The following MPHOSPH8 variants were observed in gnomAD, a reference collection of about 807,000 sequenced individuals.
MPHOSPH8 encodes the protein M-phase phosphoprotein, mpp.
In MPHOSPH8, 45 loss-of-function variants were observed where a neutral mutation model predicts 87.3. The observed-to-expected ratio is 0.52, with a 90% CI of 0.41 to 0.66. The LOEUF (loss-of-function observed/expected upper bound fraction) is 0.66, where lower values mean the gene tolerates loss of function less well. MPHOSPH8 is among the 30% of genes least tolerant of loss of function. The pLI is 0.00. For missense variants in MPHOSPH8, 883 were observed against 1,020.2 expected (o/e 0.87, Z 1.83); for synonymous variants, 366 against 376.9 (o/e 0.97, Z 0.33).
At chr13:19,643,336 G>A (rs998789791) in intron 2 of MPHOSPH8, among the ~76,000 whole-genome samples, 1 of 152,008 alleles carries the variant, frequency 6.6e-6, no homozygotes, top group Non-Finnish European at 1.5e-5. Flanking sequence ...CTCAACCTCT[G>A]GGTTCAAGTG....
At position 19,646,768 on chromosome 13, in the gene MPHOSPH8, A is replaced by C. The variant is rs1258033067; in HGVS notation, c.695A>C (p.Lys232Thr). ...KETKELKKVK[K>T]GEIRDLKTKT... Reference sequence around the variant, plus strand: ...ACAAAAGAATTAAAGAAAGTTAAAAAGGGTGAAATAAGAGATTTAAAGACG... The same window carrying C: ...ACAAAAGAATTAAAGAAAGTTAAAACGGGTGAAATAAGAGATTTAAAGACG... The change falls in exon 3 of 14, where the codon AAG (lysine) becomes ACG (threonine). Residue 232 changes from lysine (K) to threonine (T), a missense_variant. By Grantham distance (78) the Lys-to-Thr change is moderately conservative. This residue lies in a region of MPHOSPH8 where 741 missense variants were observed against 841.5 expected (regional missense o/e 0.88). Transcript: ENST00000361479. The C allele has an allele frequency of 6.3e-7, 1 of 1,577,548 alleles. No homozygotes were observed. Among genetic ancestry groups the C allele is most frequent in the Admixed American group, 2.0e-5 (1 of 50,864 alleles).
Position 19,670,236 on chromosome 13 carries a change from G to C in MPHOSPH8, c.2330G>C (p.Gly777Ala). ...NYKPPQNIPE[G>A]SGILLFIFHA... The stretch of plus-strand genomic sequence containing the variant: ...ATTCACACACATCTCCCATTTTCAG[G>C]CTCTGGCATCCTGCTGTTTATCTTC... The change falls in exon 12 of 14, where the codon GGC becomes GCC. Residue 777 changes from glycine to alanine, a missense_variant and splice_region_variant. Gly to Ala is a moderately conservative substitution (Grantham distance 60, BLOSUM62 0). This residue lies in a region of MPHOSPH8 where 741 missense variants were observed against 841.5 expected (regional missense o/e 0.88). Transcript: ENST00000361479. The C allele has an allele frequency of 1.9e-6, 3 of 1,614,110 alleles. No individual in the cohort carries two copies. In the Middle Eastern group the frequency reaches 4.9e-4, roughly 266 times the overall value.
chr13:19,669,928 G>T (rs776774346), intron 11 of MPHOSPH8, among the ~76,000 whole-genome samples: 2 of 152,358 alleles, frequency 1.3e-5, no homozygotes, highest in Admixed American at 1.3e-4. Context: ...TCCCTGGGAC[G>T]TGTGCACATT....
intron 13 of MPHOSPH8, 113 bp from the exon 14 acceptor site, chr13:19,671,721 C>A: frequency 1.1e-6 from 1 of 915,482 alleles, no homozygotes; most frequent in South Asian, 1.4e-5. Context: ...TGATAAGCAA[C>A]TTGAAAATAT....
intron 7 of MPHOSPH8, 121 bp from the exon 8 acceptor site, chr13:19,661,577 T>C (rs2137534636): frequency 1.0e-6 from 1 of 1,001,944 alleles, no homozygotes; most frequent in Middle Eastern, 2.2e-4. Context: ...AAATCCTAAG[T>C]AGATGCCTAA....
rs778636583 is a variant in MPHOSPH8 at position 19,633,993 on chromosome 13, C to T, written c.213+32C>T. The T allele has an allele frequency of 9.5e-6, 15 of 1,583,406 alleles. No individual in the cohort carries two copies. In the South Asian group the frequency reaches 1.4e-4, roughly 15 times the overall value. ...GGAGGGGCCCCGGCGCGGGGCTGGGCGGGGAGCTCCGGGCCTGGCGGGGAG... is the reference window on the plus strand; with the variant it reads ...GGAGGGGCCCCGGCGCGGGGCTGGGTGGGGAGCTCCGGGCCTGGCGGGGAG... On this transcript the variant is annotated intron_variant, in intron 1 of 13. Coordinates refer to ENST00000361479, the MANE Select transcript of MPHOSPH8 (RefSeq NM_017520.4).
chr13:19,659,112 T>C lies in MPHOSPH8; in HGVS notation c.1694T>C (p.Ile565Thr), dbSNP rs1485407458. Reference protein sequence around the residue: ...KDENFAATDAIPSNVLRDAVK... With the variant: ...KDENFAATDATPSNVLRDAVK... ...GAGAATTTTGCTGCAACAGATGCAA[T>C]TCCAAGTAGTGAGTAGTTTTGGAAA... is the stretch of plus-strand genomic sequence containing the variant. The change falls in exon 6 of 14, where the codon ATT (isoleucine) becomes ACT (threonine). Residue 565 changes from isoleucine to threonine, a missense_variant. Physicochemically the swap from Ile to Thr is moderately conservative, Grantham distance 89. Coordinates refer to ENST00000361479, the MANE Select transcript of MPHOSPH8 (RefSeq NM_017520.4). The C allele has an allele frequency of 1.2e-6, 2 of 1,613,610 alleles. No individual in the cohort carries two copies. The highest frequency in any genetic ancestry group is 1.3e-5 in the African/African-American group (1 of 74,918).
chr13:19,648,169 T>A (rs1874666572), intron 3 of MPHOSPH8, among the ~76,000 whole-genome samples: 1 of 151,668 alleles, frequency 6.6e-6, no homozygotes, highest in East Asian at 1.9e-4. Flanking sequence ...TTTTTTTTTT[T>A]AATAATAAAA....
At chr13:19,658,472 C>G (rs200274089) in intron 5 of MPHOSPH8, among the ~76,000 whole-genome samples, 2 of 151,882 alleles carry the variant, frequency 1.3e-5, no homozygotes, top group Admixed American at 6.6e-5. Context: ...CAATACCTCA[C>G]GGGGGTGGGT....
At position 19,668,473 on chromosome 13, in the gene MPHOSPH8, T is replaced by C. The variant is rs745749667; in HGVS notation, c.2271T>C (p.Cys757=). 1 of 1,614,024 alleles carries C rather than the reference T, an allele frequency of 6.2e-7. No individual in the cohort carries two copies. The highest frequency in any genetic ancestry group is 2.2e-5 in the East Asian group (1 of 44,886). The change falls in exon 11 of 14, where the codon TGT becomes TGC. Residue 757 remains cysteine (C), a synonymous_variant. Coordinates refer to ENST00000361479, the MANE Select transcript of MPHOSPH8 (RefSeq NM_017520.4). ...TTCCAATCGCATGTCATCGACTCTG[T>C]GAGGGTCCAGATTTTTCAACAGATT... is the stretch of plus-strand genomic sequence containing the variant. ...PVFPIACHRL[C]EGPDFSTDFN...
chr13:19,670,936 C>T (rs1282322030), intron 12 of MPHOSPH8: 1 of 972,142 alleles, frequency 1.0e-6, no homozygotes, highest in Non-Finnish European at 1.5e-6. Flanking sequence ...CCTCCCACCT[C>T]AGCCTCCTAA....
chr13:19,671,212 C>T lies in MPHOSPH8; in HGVS notation c.2464C>T (p.His822Tyr). ...KFQLPVFLDS[H>Y]FVYSFSPVAG... ...TTTTCTCTTTCCATTGTAGGACAGT[C>T]ATTTTGTTTACTCATTCAGCCCTGT... Residue 822 changes from histidine to tyrosine, a missense_variant, in exon 13 of 14, where the codon CAT becomes TAT. Physicochemically the swap from His to Tyr is moderately conservative, Grantham distance 83. Around this residue, in one of 3 missense-constraint regions of MPHOSPH8, gnomAD observed 741 missense variants for 841.5 expected, o/e 0.88. Coordinates refer to ENST00000361479, the MANE Select transcript of MPHOSPH8 (RefSeq NM_017520.4). 6.2e-7 allele frequency: 1 copy of T among 1,613,680 alleles called. No individual in the cohort carries two copies.
At position 19,673,341 on chromosome 13, in the gene MPHOSPH8, T is replaced by C. The variant is rs1876265120; in HGVS notation, c.*1466T>C. On this transcript the variant is annotated 3_prime_UTR_variant, in exon 14 of 14. Coordinates refer to ENST00000361479, the MANE Select transcript of MPHOSPH8 (RefSeq NM_017520.4). ...TGAAATACGATTTTAATGAAAACTT[T>C]TCAGAATTCACGTTTGTGTAGATAT... is the stretch of plus-strand genomic sequence containing the variant. 2 of 301,126 alleles carry C rather than the reference T, an allele frequency of 6.6e-6. No homozygotes were observed. Among genetic ancestry groups the C allele is most frequent in the Non-Finnish European group, 1.3e-5 (2 of 151,952 alleles). 18.7% of individuals were successfully genotyped at this position (301,126 alleles called of 1,614,324 possible).
Position 19,647,188 on chromosome 13 carries a change from C to G in MPHOSPH8, c.1115C>G (p.Ala372Gly). 1 of 1,614,166 alleles carries G rather than the reference C, an allele frequency of 6.2e-7. No individual in the cohort carries two copies. The highest frequency in any genetic ancestry group is 8.5e-7 in the Non-Finnish European group (1 of 1,180,038). ...KQRNQDRSKSAAELEKLMPVS... is the reference protein window; with the variant it reads ...KQRNQDRSKSGAELEKLMPVS... ...AGGAATCAAGACAGAAGCAAAAGTG[C>G]TGCAGAGTTAGAGAAGCTGATGCCT... The change falls in exon 3 of 14, where the codon GCT becomes GGT. Residue 372 changes from alanine to glycine, a missense_variant. This residue lies in a region of MPHOSPH8 where 741 missense variants were observed against 841.5 expected (regional missense o/e 0.88). Coordinates refer to ENST00000361479, the MANE Select transcript of MPHOSPH8 (RefSeq NM_017520.4).
chr13:19,665,933 G>A (rs751582248), intron 9 of MPHOSPH8, among the ~76,000 whole-genome samples: 5 of 152,176 alleles, frequency 3.3e-5, no homozygotes, highest in African/African-American at 9.7e-5. Context: ...GCGGCAGCTG[G>A]GGACATTTCG....
intron 13 of MPHOSPH8, 56 bp downstream of exon 13, chr13:19,671,345 C>T: frequency 6.7e-7 from 1 of 1,498,454 alleles, no homozygotes; most frequent in Non-Finnish European, 9.3e-7. Flanking sequence ...CTCCAGATTA[C>T]TTTATCAACA....
At chr13:19,643,781 A>G (rs934333147) in intron 2 of MPHOSPH8, among the ~76,000 whole-genome samples, 2 of 152,098 alleles carry the variant, frequency 1.3e-5, no homozygotes, top group African/African-American at 4.8e-5. Flanking sequence ...GCTCCCACTC[A>G]GGGTAGCACT....
chr13:19,644,221 A>G (rs1816271062), intron 2 of MPHOSPH8, among the ~76,000 whole-genome samples: 1 of 152,186 alleles, frequency 6.6e-6, no homozygotes, highest in African/African-American at 2.4e-5. Context: ...TTGAGTATGT[A>G]AAATACTTAA....
chr13:19,634,096 A>T, intron 1 of MPHOSPH8, 135 bp downstream of exon 1: 1 of 909,920 alleles, frequency 1.1e-6, no homozygotes, highest in Non-Finnish European at 1.7e-6. Context: ...CAAGCACGCG[A>T]AATCGTGGGA....
Sources: gnomAD v4.1 joint callset for allele counts (sites outside exome capture counted in the v4.1 genomes callset) on GRCh38, gnomAD v4.1.1 for gene constraint, gnomAD v4.1.1 regional missense constraint, MANE v1.5 for transcripts, NCBI Gene and HGNC (gene_info 2026-07-23, HGNC 2026-07-21) for gene names.